The following RFT1 variants were observed in gnomAD, a reference collection of about 807,000 sequenced individuals.
RFT1 encodes man(5)GlcNAc(2)-PP-dolichol translocation protein RFT1.
Under a neutral mutation model 62.2 loss-of-function variants are expected in RFT1, and 43 were observed. The observed-to-expected ratio is 0.69, with a 90% confidence interval of 0.54 to 0.89. The LOEUF (loss-of-function observed/expected upper bound fraction) is 0.89, where lower values mean the gene tolerates loss of function less well. Ranked by LOEUF, RFT1 falls within the 40% of genes least tolerant of loss-of-function variation. The probability of loss-of-function intolerance (pLI) is 0.00; values close to 1 mark genes in which losing one functional copy is unlikely to be tolerated. For synonymous variants in RFT1, 262 were observed against 264.6 expected (o/e 0.99, Z 0.10); for missense variants, 605 against 649.9 (o/e 0.93, Z 0.75).
At chr3:53,076,951 CAA>C in the RFT1 span, among the ~76,000 whole-genome samples, 28 of 90,250 alleles carry the variant, frequency 3.1e-4, no homozygotes, top group Admixed American at 5.0e-4. Context: ...GACCTCATCT[CAA>C]AAAAAAAAAA....
intron 7 of RFT1, among the ~76,000 whole-genome samples, chr3:53,111,571 C>T (rs1456365552): frequency 6.6e-6 from 1 of 152,148 alleles, no homozygotes; most frequent in Non-Finnish European, 1.5e-5. Context: ...CTCACTGACC[C>T]TTAGTTTCCT....
intron 7 of RFT1, among the ~76,000 whole-genome samples, chr3:53,108,697 T>C (rs1701561362): frequency 6.7e-6 from 1 of 149,646 alleles, no homozygotes; most frequent in Non-Finnish European, 1.5e-5. Flanking sequence ...TTCATATCTT[T>C]AAATGGTTTT....
chr3:53,124,241 T>C (rs573566366), intron 2 of RFT1, among the ~76,000 whole-genome samples: 1 of 152,092 alleles, frequency 6.6e-6, no homozygotes, highest in South Asian at 2.1e-4. Context: ...CTCTACCGAG[T>C]GGAGGCTCTG....
the RFT1 span, among the ~76,000 whole-genome samples, chr3:53,069,950 A>G: frequency 6.6e-6 from 1 of 152,188 alleles, no homozygotes; most frequent in East Asian, 1.9e-4. Context: ...ATGGAGACAG[A>G]CTACTCCCCA....
downstream of RFT1, among the ~76,000 whole-genome samples, chr3:53,084,264 C>G (rs1035168026): frequency 6.6e-6 from 1 of 152,212 alleles, no homozygotes. Context: ...CAAAAGCCTT[C>G]TGAAAGAGGT....
downstream of RFT1, among the ~76,000 whole-genome samples, chr3:53,084,879 C>T (rs970133315): frequency 6.6e-6 from 1 of 152,224 alleles, no homozygotes; most frequent in African/African-American, 2.4e-5. Flanking sequence ...CACGGGTCCC[C>T]ATGCAGCTCC....
chr3:53,092,645 C>A, intron 11 of RFT1, 27 bp from the exon 12 acceptor site: 1 of 1,604,320 alleles, frequency 6.2e-7, no homozygotes, highest in South Asian at 1.1e-5. Flanking sequence ...AAAAGGAGGG[C>A]AGTGGTGACC....
chr3:53,117,273 C>T (rs1701836251), intron 6 of RFT1, among the ~76,000 whole-genome samples: 1 of 152,202 alleles, frequency 6.6e-6, no homozygotes, highest in African/African-American at 2.4e-5. Flanking sequence ...GGCTCTTTGT[C>T]AAGGTTCAAA....
At chr3:53,129,004 C>T (rs1471208952) in intron 1 of RFT1, among the ~76,000 whole-genome samples, 3 of 152,018 alleles carry the variant, frequency 2.0e-5, no homozygotes, top group African/African-American at 7.3e-5. Context: ...TCCGTTATAA[C>T]TTGTTTTCGT....
intron 6 of RFT1, among the ~76,000 whole-genome samples, chr3:53,118,206 G>A (rs1701863293): frequency 1.3e-5 from 2 of 152,144 alleles, no homozygotes; most frequent in African/African-American, 2.4e-5. Context: ...AAATACTGCT[G>A]GGGCACAGGG....
chr3:53,126,649 G>A (rs1382468375), intron 1 of RFT1, among the ~76,000 whole-genome samples: 2 of 152,210 alleles, frequency 1.3e-5, no homozygotes, highest in Admixed American at 6.5e-5. Flanking sequence ...GGGGGGAAGG[G>A]AGAGAGTGTC....
At chr3:53,077,240 T>G in the RFT1 span, among the ~76,000 whole-genome samples, 1 of 152,224 alleles carries the variant, frequency 6.6e-6, no homozygotes, top group African/African-American at 2.4e-5. Context: ...AAGATCATGG[T>G]GTAAAGGACA....
At chr3:53,110,738 C>G (rs1004433133) in intron 7 of RFT1, among the ~76,000 whole-genome samples, 1 of 151,670 alleles carries the variant, frequency 6.6e-6, no homozygotes, top group African/African-American at 2.4e-5. Context: ...TTTTTTCTAA[C>G]GGGACTATAT....
At chr3:53,112,497 T>C (rs1464075286) in intron 6 of RFT1, among the ~76,000 whole-genome samples, 2 of 152,150 alleles carry the variant, frequency 1.3e-5, no homozygotes, top group Admixed American at 1.3e-4. Context: ...ATCACAACAC[T>C]TTGGGAAGCT....
rs554889507 is a variant in RFT1 at position 53,126,364 on chromosome 3, C to G, written c.64-370G>C. ...TTGCCGGGCCCTGGCCACACTCCCC[C>G]ACCCCAGCCTGTTTAGAAATAGCAT... On this transcript the variant is annotated intron_variant, in intron 1 of 12. Transcript: ENST00000296292. 5.1e-4 allele frequency among the ~76,000 whole-genome samples: 78 copies of G among 152,358 alleles called. 1 individual carries two copies. The South Asian group carries it at 0.015, about 29-fold the overall frequency.
rs567352256 is a variant in RFT1 at position 53,101,772 on chromosome 3, C to T, written c.1102+2181G>A. Among the ~76,000 whole-genome samples, 3 of 152,258 alleles carry T rather than the reference C, an allele frequency of 2.0e-5. No homozygotes were observed. The South Asian group carries it at 6.2e-4, about 32-fold the overall frequency. On this transcript the variant is annotated intron_variant, in intron 10 of 12. Transcript: ENST00000296292. Reference sequence around the variant, plus strand: ...GGAAACTTGGTCAGGTGCAGTGGCTCATGCTTGTAATCTCAGCACTTTGGG... The same window carrying T: ...GGAAACTTGGTCAGGTGCAGTGGCTTATGCTTGTAATCTCAGCACTTTGGG...
chr3:53,103,631 C>G (rs1701377992), intron 10 of RFT1: 1 of 382,846 alleles, frequency 2.6e-6, no homozygotes, highest in East Asian at 6.2e-5. Context: ...CTGCCTTCCT[C>G]CCTCACCCCA....
intron 4 of RFT1, among the ~76,000 whole-genome samples, 194 bp downstream of exon 4, chr3:53,122,180 G>C (rs1041836906): frequency 3.3e-5 from 5 of 152,152 alleles, no homozygotes; most frequent in South Asian, 2.1e-4. Context: ...TGGTGAAACA[G>C]AGGTGAACTT....
At position 53,130,431 on chromosome 3, in the gene RFT1, A is replaced by G. The variant is rs765471365; in HGVS notation, c.-31T>C. ...CCGCGCCAGGCTCAGACACCAGGAA[A>G]TGCCGCCGCCACTCCGTTTAGTCGC... On this transcript the variant is annotated 5_prime_UTR_variant, in exon 1 of 13. Transcript: ENST00000296292. 9 of 1,549,866 alleles carry G rather than the reference A, an allele frequency of 5.8e-6. No homozygotes were observed. In the East Asian group the frequency reaches 2.2e-4, roughly 38 times the overall value.
Sources: allele counts gnomAD v4.1 joint callset (sites outside exome capture counted in the v4.1 genomes callset), GRCh38; gene constraint gnomAD v4.1.1; transcripts MANE v1.5; gene names NCBI Gene and HGNC (gene_info 2026-07-23, HGNC 2026-07-21).